The following PRR12 variants were observed in gnomAD, a reference collection of about 807,000 sequenced individuals.
PRR12 encodes proline rich 12.
A neutral mutation model predicts 138.0 loss-of-function variants in PRR12; 12 were observed. The observed-to-expected ratio is 0.09, with a 90% CI of 0.06 to 0.14. The LOEUF is 0.14. PRR12 is among the 10% of genes least tolerant of loss of function. PRR12 has a pLI of 1.00. For missense variants in PRR12, 2,692 were observed against 2,861.3 expected (o/e 0.94, Z 1.35); for synonymous variants, 1,567 against 1,291.7 (o/e 1.21, Z -4.57).
rs868165133 is a variant in PRR12 at position 49,615,994 on chromosome 19, C to T, written c.5272C>T (p.Arg1758Trp). 2.6e-6 allele frequency: 4 copies of T among 1,552,766 alleles called. No homozygotes were observed. Among genetic ancestry groups the T allele is most frequent in the South Asian group, 2.4e-5 (2 of 84,198 alleles). Residue 1758 changes from arginine (R) to tryptophan (W), a missense_variant, in exon 9 of 14, where the codon CGG (arginine) becomes TGG (tryptophan). Physicochemically the swap from Arg to Trp is moderately radical, Grantham distance 101. Around this residue, in one of 11 missense-constraint regions of PRR12, gnomAD observed 259 missense variants for 265.1 expected, o/e 0.98. Coordinates refer to ENST00000418929, the MANE Select transcript of PRR12 (RefSeq NM_020719.3). ...TGGAGAGCGGCCATTGCGGGGTGAG[C>T]GGGCCACCAGCGGACGGCAGACACG... is the stretch of plus-strand genomic sequence containing the variant. The part of the protein sequence containing the change: ...TRGERPLRGE[R>W]ATSGRQTRPE...
chr19:49,599,479 C>T lies in PRR12; in HGVS notation c.3886C>T (p.Pro1296Ser), dbSNP rs757428794. The change falls in exon 5 of 14, where the codon CCA becomes TCA. Residue 1296 changes from proline (P) to serine (S), a missense_variant. Physicochemically the swap from Pro to Ser is moderately conservative, Grantham distance 74 (BLOSUM62 -1). Transcript: ENST00000418929. This position sits in a 1 kb window ranked among gnomAD's most constrained non-coding sequence, Gnocchi z 5.0. ...LDFLKSGKRH[P>S]PLYQAGLTPP... ...CTTCCTCAAGTCAGGCAAGCGCCAC[C>T]CACCACTCTACCAGGCGGGCCTGAC... The T allele has an allele frequency of 6.2e-7, 1 of 1,602,256 alleles. No individual in the cohort carries two copies. The highest frequency in any genetic ancestry group is 1.7e-5 in the Admixed American group (1 of 58,060).
At chr19:49,602,562 T>C (rs1293864142) in intron 6 of PRR12, among the ~76,000 whole-genome samples, 1 of 152,188 alleles carries the variant, frequency 6.6e-6, no homozygotes, top group Non-Finnish European at 1.5e-5. Flanking sequence ...CCATATCTTT[T>C]TGTTTTTTTG....
chr19:49,596,861 TCCACCA>T lies in PRR12; in HGVS notation c.2529_2534del (p.Pro844_Pro845del). 1 of 851,548 alleles carries T rather than the reference TCCACCA, an allele frequency of 1.2e-6. No individual in the cohort carries two copies. The highest frequency in any genetic ancestry group is 2.2e-5 in the Admixed American group (1 of 45,254). 52.7% of individuals were successfully genotyped at this position (851,548 alleles called of 1,614,324 possible). A position where few individuals can be genotyped will look rare whatever the true frequency, so the allele number is the denominator to read the frequency against. ...AGCCACCTCCACCGCCACCCCCGCC[TCCACCA>T]CCCATGCCCCTGCAGCTCGAGGCCC... On this transcript the variant is annotated inframe_deletion, in exon 4 of 14. Transcript: ENST00000418929. The surrounding 1 kb of genome is among the most constrained non-coding windows in gnomAD (Gnocchi z 5.6).
In PRR12 at chr19:49,615,875, C is replaced by T. The variant is rs753470902; in HGVS notation, c.5153C>T (p.Thr1718Ile). 3.1e-6 allele frequency: 5 copies of T among 1,590,566 alleles called. No homozygotes were observed. The highest frequency in any genetic ancestry group is 1.1e-5 in the South Asian group (1 of 87,798). The change falls in exon 9 of 14, where the codon ACT becomes ATT. Residue 1718 changes from threonine (T) to isoleucine (I), a missense_variant. Transcript: ENST00000418929. ...KTTSEKPPEQTPETAMPEPPA... is the reference protein window; with the variant it reads ...KTTSEKPPEQIPETAMPEPPA... ...ACATCTGAGAAGCCCCCAGAGCAGA[C>T]TCCTGAGACGGCCATGCCTGAGCCC... is the stretch of plus-strand genomic sequence containing the variant.
At chr19:49,611,719 C>G (rs911974444) in intron 6 of PRR12, among the ~76,000 whole-genome samples, 3 of 146,094 alleles carry the variant, frequency 2.1e-5, no homozygotes, top group Admixed American at 6.8e-5. Flanking sequence ...GTCAGGAGAT[C>G]GAGACCATCC....
At chr19:49,604,010 G>C (rs1057070600) in intron 6 of PRR12, among the ~76,000 whole-genome samples, 7 of 151,880 alleles carry the variant, frequency 4.6e-5, no homozygotes, top group African/African-American at 1.7e-4. Context: ...TAGTAGAGAA[G>C]GGGTTTCAGC....
In PRR12 at chr19:49,614,580, GA is replaced by G; in HGVS notation, c.4823del (p.Lys1608ArgfsTer40). On this transcript the variant is annotated frameshift_variant, in exon 7 of 14. Transcript: ENST00000418929. LOFTEE classifies it high-confidence loss of function. The surrounding 1 kb of genome is among the most constrained non-coding windows in gnomAD (Gnocchi z 5.0). ...REPPPIWRVQ[K>X]ALLQKFTPEI... ...AACCCCCACCCATCTGGCGAGTCCA[GA>G]AGGCCCTTCTGCAGAAATTCACTCC... is the stretch of plus-strand genomic sequence containing the variant. The G allele has an allele frequency of 6.4e-7, 1 of 1,562,174 alleles. No individual in the cohort carries two copies. Among genetic ancestry groups the G allele is most frequent in the Non-Finnish European group, 8.7e-7 (1 of 1,153,378 alleles).
intron 6 of PRR12, among the ~76,000 whole-genome samples, chr19:49,604,050 A>C (rs1010461462): frequency 1.8e-4 from 28 of 151,860 alleles, no homozygotes; most frequent in African/African-American, 6.8e-4. Context: ...TGAACTCCTT[A>C]CCTTGTGATC....
intron 4 of PRR12, among the ~76,000 whole-genome samples, chr19:49,598,803 T>A (rs2080792711): frequency 6.6e-6 from 1 of 151,914 alleles, no homozygotes; most frequent in African/African-American, 2.4e-5. Flanking sequence ...GGCCACAGAG[T>A]GAGACCCTGT....
chr19:49,601,896 C>T lies in PRR12; in HGVS notation c.4751C>T (p.Ala1584Val). The part of the protein sequence containing the change: ...FRERDEFVIR[A>V]EDIPSLKLAL... ...GAACGGGACGAGTTCGTCATCCGTG[C>T]TGAGGACATCCCTTCCCTCAAGGTG... is the stretch of plus-strand genomic sequence containing the variant. The change falls in exon 6 of 14, where the codon GCT becomes GTT. Residue 1584 changes from alanine (A) to valine (V), a missense_variant. Physicochemically the swap from Ala to Val is moderately conservative, Grantham distance 64 (BLOSUM62 0). Transcript: ENST00000418929. The T allele has an allele frequency of 6.2e-7, 1 of 1,612,014 alleles. No individual in the cohort carries two copies. The highest frequency in any genetic ancestry group is 1.7e-5 in the Admixed American group (1 of 59,984).
In PRR12 at chr19:49,601,747, T is replaced by C. The variant is rs111398914; in HGVS notation, c.4602T>C (p.Ser1534=). 6,945 of 1,564,644 alleles carry C rather than the reference T, an allele frequency of 4.4e-3. 275 individuals carry two copies. In the African/African-American group the frequency reaches 0.083, roughly 19 times the overall value. Residue 1534 remains serine (S), a synonymous_variant, in exon 6 of 14, where the codon TCT becomes TCC. Coordinates refer to ENST00000418929, the MANE Select transcript of PRR12 (RefSeq NM_020719.3). ...CTCCTGAGGAGCCCGCCGCCCCGTC[T>C]CCCGAAGACCCCGAGCTGCCGGACA... ...AAPPEEPAAP[S]PEDPELPDTR...
At chr19:49,593,564 GT>G in intron 2 of PRR12, 125 bp downstream of exon 2, 3 of 588,120 alleles carry the variant, frequency 5.1e-6, no homozygotes, top group Non-Finnish European at 9.0e-6. Context: ...GCCCCTTGCT[GT>G]GTCTCCTCTG....
At chr19:49,603,552 C>T (rs1438256192) in intron 6 of PRR12, among the ~76,000 whole-genome samples, 1 of 151,918 alleles carries the variant, frequency 6.6e-6, no homozygotes, top group African/African-American at 2.4e-5. Flanking sequence ...ATTAACTGGG[C>T]GTGGTAGGGC....
chr19:49,597,352 C>T lies in PRR12; in HGVS notation c.3017C>T (p.Pro1006Leu), dbSNP rs759110944. 5.6e-5 allele frequency: 86 copies of T among 1,539,718 alleles called. No homozygotes were observed. The African/African-American group carries it at 1.0e-3, about 18-fold the overall frequency. The change falls in exon 4 of 14, where the codon CCG becomes CTG. Residue 1006 changes from proline (P) to leucine (L), a missense_variant. Pro to Leu is a moderately conservative substitution (Grantham distance 98, BLOSUM62 -3). Around this residue, in one of 11 missense-constraint regions of PRR12, gnomAD observed 840 missense variants for 689.8 expected, o/e 1.22. Coordinates refer to ENST00000418929, the MANE Select transcript of PRR12 (RefSeq NM_020719.3). This position sits in a 1 kb window ranked among gnomAD's most constrained non-coding sequence, Gnocchi z 6.3. ...GCGTCGGGAGCCGGGCCCGAGACAC[C>T]GGGCCTGGGCCTGGACCCCAACAAA... is the stretch of plus-strand genomic sequence containing the variant. ...GRASGAGPET[P>L]GLGLDPNKPP...
intron 10 of PRR12, among the ~76,000 whole-genome samples, chr19:49,621,180 T>TG (rs1489440681): frequency 1.7e-3 from 100 of 57,414 alleles, no homozygotes; most frequent in South Asian, 7.3e-3. Context: ...GAGGAGGGGC[T>TG]GGGGCCTGGA....
rs1171071769 is a variant in PRR12 at position 49,597,347 on chromosome 19, G to C, written c.3012G>C (p.Glu1004Asp). ...GCCGGGCGTCGGGAGCCGGGCCCGA[G>C]ACACCGGGCCTGGGCCTGGACCCCA... Reference protein sequence around the residue: ...CPGRASGAGPETPGLGLDPNK... With the variant: ...CPGRASGAGPDTPGLGLDPNK... The change falls in exon 4 of 14, where the codon GAG (glutamate) becomes GAC (aspartate). Residue 1004 changes from glutamate (E) to aspartate (D), a missense_variant. By Grantham distance (45) the Glu-to-Asp change is conservative. Around this residue, in one of 11 missense-constraint regions of PRR12, gnomAD observed 840 missense variants for 689.8 expected, o/e 1.22. Transcript: ENST00000418929. This position sits in a 1 kb window ranked among gnomAD's most constrained non-coding sequence, Gnocchi z 6.3. 3 of 1,540,494 alleles carry C rather than the reference G, an allele frequency of 1.9e-6. No individual in the cohort carries two copies. Among genetic ancestry groups the C allele is most frequent in the African/African-American group, 2.7e-5 (2 of 73,050 alleles).
chr19:49,602,759 C>T (rs1180246298), intron 6 of PRR12, among the ~76,000 whole-genome samples: 2 of 152,154 alleles, frequency 1.3e-5, no homozygotes, highest in African/African-American at 4.8e-5. Flanking sequence ...ACTGTGTTGG[C>T]CAGGCTGGTC....
Position 49,625,360 on chromosome 19 carries a change from T to C in PRR12, c.5965-101T>C. On this transcript the variant is annotated intron_variant, in intron 13 of 13. Coordinates refer to ENST00000418929, the MANE Select transcript of PRR12 (RefSeq NM_020719.3). This position sits in a 1 kb window ranked among gnomAD's most constrained non-coding sequence, Gnocchi z 5.5. ...ATGCAGCCCCCAGCCCTGGTCTCCC[T>C]GGGACACTGACATCTGACACCCCAG... 1 of 1,445,762 alleles carries C rather than the reference T, an allele frequency of 6.9e-7. No homozygotes were observed. Among genetic ancestry groups the C allele is most frequent in the Non-Finnish European group, 9.3e-7 (1 of 1,069,812 alleles). 89.6% of individuals were successfully genotyped at this position (1,445,762 alleles called of 1,614,324 possible).
rs2080772687 is a variant in PRR12, at chr19:49,596,753, C to G, written c.2418C>G (p.Leu806=). The change falls in exon 4 of 14, where the codon CTC becomes CTG. Residue 806 remains leucine, a synonymous_variant. Transcript: ENST00000418929. The surrounding 1 kb of genome is among the most constrained non-coding windows in gnomAD (Gnocchi z 5.6). ...PPPPQLLPSV[L]SHAPSPSPSA... ...CCCCCCAGCTGCTCCCCTCGGTCCT[C>G]AGCCATGCCCCCAGTCCCTCTCCCA... 6.2e-7 allele frequency: 1 copy of G among 1,604,526 alleles called. No individual in the cohort carries two copies. Among genetic ancestry groups the G allele is most frequent in the African/African-American group, 1.3e-5 (1 of 74,858 alleles).
Sources: gnomAD v4.1 joint callset for allele counts (sites outside exome capture counted in the v4.1 genomes callset) on GRCh38, gnomAD v4.1.1 for gene constraint, gnomAD v4.1.1 regional missense constraint, Gnocchi (gnomAD v3.1) non-coding constraint, MANE v1.5 for transcripts, NCBI Gene and HGNC (gene_info 2026-07-23, HGNC 2026-07-21) for gene names.